The following VCAM1 variants were observed in gnomAD, a reference collection of about 807,000 sequenced individuals.
The protein encoded by VCAM1 is vascular cell adhesion molecule 1.
In VCAM1, 41 loss-of-function variants were observed where a neutral mutation model predicts 63.8. That is an observed-to-expected ratio of 0.64 (90% CI 0.50 to 0.83). VCAM1 has a LOEUF of 0.83. VCAM1 is among the 40% of genes least tolerant of loss of function. The pLI is 0.00. For missense variants in VCAM1, 798 were observed against 875.5 expected, an observed-to-expected ratio of 0.91 and a Z score of 1.12; for synonymous variants, 338 against 320.7, an observed-to-expected ratio of 1.05 and a Z score of -0.58.
Position 100,723,268 on chromosome 1 carries a change from G to A in VCAM1, c.589G>A (p.Ala197Thr), listed in dbSNP as rs752911535. 6.2e-7 allele frequency: 1 copy of A among 1,613,110 alleles called. No homozygotes were observed. Among genetic ancestry groups the A allele is most frequent in the East Asian group, 2.2e-5 (1 of 44,852 alleles). The change falls in exon 3 of 9, where the codon GCT (alanine) becomes ACT (threonine). Residue 197 changes from alanine (A) to threonine (T), a missense_variant. Ala to Thr is a moderately conservative substitution (Grantham distance 58). Coordinates refer to ENST00000294728, the MANE Select transcript of VCAM1 (RefSeq NM_001078.4). ...TATTGGAAAAGTTCTTGTTTGCCGA[G>A]CTAAATTACACATTGATGAAATGGA... is the stretch of plus-strand genomic sequence containing the variant. ...EDIGKVLVCR[A>T]KLHIDEMDSV...
intron 2 of VCAM1, among the ~76,000 whole-genome samples, chr1:100,721,459 G>A (rs1008078736): frequency 5.3e-5 from 8 of 151,918 alleles, no homozygotes; most frequent in African/African-American, 1.7e-4. Flanking sequence ...TCTCCATTCA[G>A]CAAACAAAGT....
chr1:100,733,347 G>A (rs1660532574), intron 7 of VCAM1, among the ~76,000 whole-genome samples: 1 of 152,062 alleles, frequency 6.6e-6, no homozygotes, highest in African/African-American at 2.4e-5. Context: ...CATCCCTTTT[G>A]GGTATCAGGG....
intron 2 of VCAM1, among the ~76,000 whole-genome samples, chr1:100,722,802 A>G (rs960505016): frequency 1.3e-5 from 2 of 152,088 alleles, no homozygotes; most frequent in African/African-American, 4.8e-5. Flanking sequence ...CTCTTAATAT[A>G]TACAGGATCA....
At chr1:100,736,744 G>A (rs184947085) in intron 8 of VCAM1, 1 of 152,270 alleles carries the variant, frequency 6.6e-6, no homozygotes, top group Non-Finnish European at 1.5e-5. Context: ...AAGTCAAAAA[G>A]TGAGACAATT....
intron 3 of VCAM1, 68 bp downstream of exon 3, chr1:100,723,408 T>A: frequency 6.7e-7 from 1 of 1,486,644 alleles, no homozygotes; most frequent in Non-Finnish European, 9.0e-7. Flanking sequence ...AGCAATAAAC[T>A]TAGCAGAAAA....
chr1:100,720,381 G>T, intron 1 of VCAM1, 95 bp from the exon 2 acceptor site: 1 of 1,464,320 alleles, frequency 6.8e-7, no homozygotes, highest in Non-Finnish European at 9.2e-7. Context: ...AAAGAGATCA[G>T]TCTGATCATA....
rs1008483623 is a variant in VCAM1 at position 100,734,640 on chromosome 1, C to T, written c.1931C>T (p.Thr644Ile). ...AAGAAAAAAGCGGAGACAGGAGACACAGTACTAAAATCTATAGATGGCGCC... is the reference window on the plus strand; with the variant it reads ...AAGAAAAAAGCGGAGACAGGAGACATAGTACTAAAATCTATAGATGGCGCC... ...ILKKKAETGD[T>I]VLKSIDGAYT... Residue 644 changes from threonine to isoleucine, a missense_variant, in exon 8 of 9, where the codon ACA becomes ATA. Physicochemically the swap from Thr to Ile is moderately conservative, Grantham distance 89. Transcript: ENST00000294728. 7 of 1,613,948 alleles carry T rather than the reference C, an allele frequency of 4.3e-6. No individual in the cohort carries two copies. In the Middle Eastern group the frequency reaches 4.9e-4, roughly 114 times the overall value.
Position 100,729,223 on chromosome 1 carries a change from A to G in VCAM1, c.1045A>G (p.Thr349Ala). 6.2e-7 allele frequency: 1 copy of G among 1,613,562 alleles called. No individual in the cohort carries two copies. Among genetic ancestry groups the G allele is most frequent in the Non-Finnish European group, 8.5e-7 (1 of 1,179,698 alleles). Residue 349 changes from threonine to alanine, a missense_variant, in exon 5 of 9, where the codon ACC becomes GCC. Coordinates refer to ENST00000294728, the MANE Select transcript of VCAM1 (RefSeq NM_001078.4). ...GCESPSFSWR[T>A]QIDSPLSGKV... ...TGAATCCCCATCTTTCTCCTGGAGA[A>G]CCCAGATAGACAGCCCTCTGAGCGG...
At position 100,728,982 on chromosome 1, in the gene VCAM1, A is replaced by G. The variant is rs1263256718; in HGVS notation, c.929-125A>G. On this transcript the variant is annotated intron_variant, in intron 4 of 8. Transcript: ENST00000294728. Reference sequence around the variant, plus strand: ...GATGGTCCCAAGGTGGAAAAGAGTAATTTCTTCTTGGCATGGATATTAGCT... The same window carrying G: ...GATGGTCCCAAGGTGGAAAAGAGTAGTTTCTTCTTGGCATGGATATTAGCT... The G allele has an allele frequency of 5.1e-6, 6 of 1,182,938 alleles. No individual in the cohort carries two copies. In the African/African-American group the frequency reaches 6.2e-5, roughly 12 times the overall value. 73.3% of individuals were successfully genotyped at this position (1,182,938 alleles called of 1,614,324 possible).
chr1:100,729,245 G>T lies in VCAM1; in HGVS notation c.1067G>T (p.Ser356Ile). 1 of 1,613,556 alleles carries T rather than the reference G, an allele frequency of 6.2e-7. No homozygotes were observed. Among genetic ancestry groups the T allele is most frequent in the East Asian group, 2.2e-5 (1 of 44,848 alleles). The change falls in exon 5 of 9, where the codon AGC becomes ATC. Residue 356 changes from serine to isoleucine, a missense_variant. By Grantham distance (142) the Ser-to-Ile change is moderately radical. Coordinates refer to ENST00000294728, the MANE Select transcript of VCAM1 (RefSeq NM_001078.4). The stretch of plus-strand genomic sequence containing the variant: ...AGAACCCAGATAGACAGCCCTCTGA[G>T]CGGGAAGGTGAGGAGTGAGGGGACC... Reference protein sequence around the residue: ...SWRTQIDSPLSGKVRSEGTNS... With the variant: ...SWRTQIDSPLIGKVRSEGTNS...
At chr1:100,737,893 G>C (rs889323728) in intron 8 of VCAM1, 1 of 332,650 alleles carries the variant, frequency 3.0e-6, no homozygotes, top group Non-Finnish European at 5.5e-6. Flanking sequence ...CAAGTTTGTG[G>C]AAGCCAACAA....
In VCAM1 at chr1:100,738,242, G is replaced by A. The variant is rs764677426; in HGVS notation, c.2179G>A (p.Gly727Arg). 3.1e-6 allele frequency: 5 copies of A among 1,613,648 alleles called. No individual in the cohort carries two copies. In the East Asian group the frequency reaches 8.9e-5, roughly 29 times the overall value. Residue 727 changes from glycine to arginine, a missense_variant, in exon 9 of 9, where the codon GGG becomes AGG. Physicochemically the swap from Gly to Arg is moderately radical, Grantham distance 125 (BLOSUM62 -2). Transcript: ENST00000294728. ...CTTTGCAAGAAAAGCCAACATGAAG[G>A]GGTCATATAGTCTTGTAGAAGCACA... The part of the protein sequence containing the change: ...IYFARKANMK[G>R]SYSLVEAQKS...
intron 4 of VCAM1, among the ~76,000 whole-genome samples, chr1:100,725,490 A>G (rs543474191): frequency 1.3e-5 from 2 of 152,138 alleles, no homozygotes; most frequent in East Asian, 3.9e-4. Context: ...TTTTGTATTC[A>G]TTTTACAGAT....
chr1:100,737,837 G>A (rs1350286743), intron 8 of VCAM1: 1 of 221,098 alleles, frequency 4.5e-6, no homozygotes, highest in Non-Finnish European at 8.9e-6. Context: ...TTAAAAACTT[G>A]TACCCTCCCT....
chr1:100,731,132 A>G lies in VCAM1; in HGVS notation c.1205-66A>G. ...TGTCATTTTTAGGCCTTTACATTTA[A>G]TAAAGCTTAGCTCAATTTTTCCTTG... On this transcript the variant is annotated intron_variant, in intron 5 of 8. Transcript: ENST00000294728. This position sits in a 1 kb window ranked among gnomAD's most constrained non-coding sequence, Gnocchi z 4.2. 6.7e-7 allele frequency: 1 copy of G among 1,496,154 alleles called. No homozygotes were observed. Among genetic ancestry groups the G allele is most frequent in the Admixed American group, 2.4e-5 (1 of 42,206 alleles). 92.7% of individuals were successfully genotyped at this position (1,496,154 alleles called of 1,614,324 possible). A position where few individuals can be genotyped will look rare whatever the true frequency, so the allele number is the denominator to read the frequency against.
chr1:100,738,246 C>A lies in VCAM1; in HGVS notation c.2183C>A (p.Ser728Ter). Reference protein sequence around the residue: ...YFARKANMKGSYSLVEAQKSK... With the variant: ...YFARKANMKG ...GCAAGAAAAGCCAACATGAAGGGGTCATATAGTCTTGTAGAAGCACAGAAG... is the reference window on the plus strand; with the variant it reads ...GCAAGAAAAGCCAACATGAAGGGGTAATATAGTCTTGTAGAAGCACAGAAG... The change falls in exon 9 of 9, where the codon TCA becomes TAA. Residue 728 changes from serine to a stop codon, truncating the protein, a stop_gained. Transcript: ENST00000294728. LOFTEE classifies it high-confidence loss of function. 1 of 1,613,656 alleles carries A rather than the reference C, an allele frequency of 6.2e-7. No homozygotes were observed. Among genetic ancestry groups the A allele is most frequent in the South Asian group, 1.1e-5 (1 of 91,014 alleles).
In VCAM1 at chr1:100,731,252, C is replaced by T. The variant is rs190280671; in HGVS notation, c.1259C>T (p.Ser420Phe). 2 of 1,613,548 alleles carry T rather than the reference C, an allele frequency of 1.2e-6. No individual in the cohort carries two copies. The highest frequency in any genetic ancestry group is 1.7e-6 in the Non-Finnish European group (2 of 1,179,712). The part of the protein sequence containing the change: ...EMSGGLVNGS[S>F]VTVSCKVPSV... ...AGTGGTGGCCTCGTGAATGGGAGCT[C>T]TGTCACTGTAAGCTGCAAGGTTCCT... Residue 420 changes from serine (S) to phenylalanine (F), a missense_variant, in exon 6 of 9, where the codon TCT becomes TTT. By Grantham distance (155) the Ser-to-Phe change is radical (BLOSUM62 -2). Coordinates refer to ENST00000294728, the MANE Select transcript of VCAM1 (RefSeq NM_001078.4). The surrounding 1 kb of genome is among the most constrained non-coding windows in gnomAD (Gnocchi z 4.2).
chr1:100,732,849 T>G (rs751670529), intron 7 of VCAM1, among the ~76,000 whole-genome samples, 165 bp downstream of exon 7: 6 of 152,200 alleles, frequency 3.9e-5, no homozygotes, highest in Non-Finnish European at 5.9e-5. Flanking sequence ...CCTGAAATTG[T>G]CTTTTCTCAT....
intron 8 of VCAM1, chr1:100,737,909 A>C (rs1344638525): frequency 2.6e-6 from 1 of 390,980 alleles, no homozygotes; most frequent in African/African-American, 2.1e-5. Flanking sequence ...AACAACTATC[A>C]TCTTTAGATC....
Sources: allele counts gnomAD v4.1 joint callset (sites outside exome capture counted in the v4.1 genomes callset), GRCh38; gene constraint gnomAD v4.1.1; non-coding constraint Gnocchi (gnomAD v3.1); transcripts MANE v1.5; gene names NCBI Gene and HGNC (gene_info 2026-07-23, HGNC 2026-07-21).